The following SGCZ variants were observed in gnomAD, a reference collection of about 807,000 sequenced individuals.
SGCZ encodes sarcoglycan zeta, also known as zeta-sarcoglycan.
A neutral mutation model predicts 41.3 loss-of-function variants in SGCZ; 40 were observed. That is an observed-to-expected ratio of 0.97 (90% CI 0.75 to 1.26). The LOEUF is 1.26. Ranked by LOEUF, SGCZ falls within the 50% of genes most tolerant of loss-of-function variation. The pLI is 0.00. For synonymous variants in SGCZ, 206 were observed against 137.5 expected, an observed-to-expected ratio of 1.50 and a Z score of -3.49; for missense variants, 552 against 369.8, an observed-to-expected ratio of 1.49 and a Z score of -4.04.
chr8:15,100,652 G>A (rs1426475867), intron 1 of SGCZ, among the ~76,000 whole-genome samples: 1 of 152,076 alleles, frequency 6.6e-6, no homozygotes, highest in Non-Finnish European at 1.5e-5. Context: ...AATACTGAAG[G>A]AAAATAAAGT....
chr8:14,643,505 G>A lies in SGCZ; in HGVS notation c.40-88579C>T, dbSNP rs192671146. Among the ~76,000 whole-genome samples the A allele has an allele frequency of 1.7e-4, 25 of 150,244 alleles. No homozygotes were observed. In the East Asian group the frequency reaches 1.8e-3, roughly 11 times the overall value. On this transcript the variant is annotated intron_variant, in intron 1 of 7. Coordinates refer to ENST00000382080, the MANE Select transcript of SGCZ (RefSeq NM_139167.4). ...TAAATTATGTGGAATGAGCAGATGC[G>A]AAGAAAGAAAGGTCAGGGAGATAAG...
intron 4 of SGCZ, among the ~76,000 whole-genome samples, chr8:14,208,413 A>G (rs1027791507): frequency 2.0e-5 from 3 of 152,202 alleles, no homozygotes; most frequent in Admixed American, 6.5e-5. Context: ...AAACATCCCA[A>G]ATGGAAGGTT....
chr8:14,543,693 C>G (rs1309553720), intron 2 of SGCZ, among the ~76,000 whole-genome samples: 1 of 152,112 alleles, frequency 6.6e-6, no homozygotes, highest in Non-Finnish European at 1.5e-5. Flanking sequence ...TTGGACTACA[C>G]TGGTTATTTA....
intron 1 of SGCZ, among the ~76,000 whole-genome samples, chr8:15,170,769 T>G (rs1365894378): frequency 1.3e-5 from 2 of 152,222 alleles, no homozygotes; most frequent in East Asian, 3.9e-4. Flanking sequence ...CCATATTACA[T>G]TTCTGAGCTC....
intron 3 of SGCZ, among the ~76,000 whole-genome samples, chr8:14,278,258 G>A (rs1483017711): frequency 1.3e-5 from 2 of 152,104 alleles, no homozygotes; most frequent in African/African-American, 4.8e-5. Context: ...CTCTTTGAGT[G>A]TCACATTTGT....
intron 3 of SGCZ, among the ~76,000 whole-genome samples, chr8:14,323,473 G>C (rs1801997530): frequency 6.6e-6 from 1 of 151,994 alleles, no homozygotes; most frequent in Non-Finnish European, 1.5e-5. Flanking sequence ...GTAAGTTTTT[G>C]ATATATCCAA....
chr8:14,513,218 G>C (rs1309707761), intron 2 of SGCZ, among the ~76,000 whole-genome samples: 2 of 151,550 alleles, frequency 1.3e-5, no homozygotes, highest in African/African-American at 4.8e-5. Flanking sequence ...ATTTTTCTTT[G>C]TAGAGACAGG....
chr8:14,130,606 C>T (rs1487062543), intron 5 of SGCZ, among the ~76,000 whole-genome samples: 3 of 152,210 alleles, frequency 2.0e-5, no homozygotes, highest in East Asian at 3.9e-4. Flanking sequence ...ATTATTTAGG[C>T]AGATAGTGAG....
chr8:14,722,536 A>G (rs982239550), intron 1 of SGCZ, among the ~76,000 whole-genome samples: 13 of 152,188 alleles, frequency 8.5e-5, no homozygotes, highest in Middle Eastern at 3.4e-3. Context: ...CAATATATGT[A>G]TTTATATACA....
At chr8:14,682,041 T>C (rs1422097290) in intron 1 of SGCZ, among the ~76,000 whole-genome samples, 2 of 152,086 alleles carry the variant, frequency 1.3e-5, no homozygotes, top group Admixed American at 1.3e-4. Context: ...TGCCCAGAGG[T>C]AGCAAAGGGT....
intron 1 of SGCZ, among the ~76,000 whole-genome samples, chr8:15,005,333 T>C (rs1233301169): frequency 1.1e-4 from 15 of 142,488 alleles, no homozygotes; most frequent in African/African-American, 4.0e-4. Context: ...TTTTTCTTTT[T>C]TTTTTTTTTT....
intron 1 of SGCZ, among the ~76,000 whole-genome samples, chr8:15,049,739 T>A (rs544007751): frequency 6.6e-6 from 1 of 152,222 alleles, no homozygotes; most frequent in Non-Finnish European, 1.5e-5. Flanking sequence ...TCCCCAGATG[T>A]CAAGAGCAGG....
intron 3 of SGCZ, among the ~76,000 whole-genome samples, chr8:14,277,028 A>T (rs938248122): frequency 6.6e-6 from 1 of 152,168 alleles, no homozygotes; most frequent in South Asian, 2.1e-4. Context: ...ATTTTCAATA[A>T]ATCTCTTCAT....
chr8:14,989,192 A>G (rs935285926), intron 1 of SGCZ, among the ~76,000 whole-genome samples: 9 of 152,156 alleles, frequency 5.9e-5, no homozygotes, highest in African/African-American at 1.9e-4. Context: ...GAAAGACACA[A>G]AATTATTAGG....
At chr8:14,462,973 C>G (rs1268204370) in intron 2 of SGCZ, among the ~76,000 whole-genome samples, 1 of 151,394 alleles carries the variant, frequency 6.6e-6, no homozygotes, top group Non-Finnish European at 1.5e-5. Flanking sequence ...GCTTTTGTAA[C>G]TTTCTTTTCA....
At chr8:14,249,433 G>A (rs1215625616) in intron 3 of SGCZ, among the ~76,000 whole-genome samples, 2 of 151,868 alleles carry the variant, frequency 1.3e-5, no homozygotes, top group Non-Finnish European at 2.9e-5. Context: ...TTATTTATTG[G>A]TCTGTTTCTC....
At chr8:14,539,136 A>G (rs1256826907) in intron 2 of SGCZ, among the ~76,000 whole-genome samples, 3 of 152,038 alleles carry the variant, frequency 2.0e-5, no homozygotes, top group Non-Finnish European at 4.4e-5. Context: ...TGACTTCCCC[A>G]GAGGAAGATA....
chr8:14,874,735 G>T (rs1266554355), intron 1 of SGCZ, among the ~76,000 whole-genome samples: 1 of 152,016 alleles, frequency 6.6e-6, no homozygotes, highest in Admixed American at 6.6e-5. Context: ...CTCTCTAAAA[G>T]GGGAATCAGG....
chr8:14,847,176 A>AGAAGAAGAAGAAGAAGAG (rs1563312305), intron 1 of SGCZ, among the ~76,000 whole-genome samples: 5 of 146,534 alleles, frequency 3.4e-5, no homozygotes, highest in African/African-American at 1.3e-4. Context: ...AAGAAGAAGA[A>AGAAGAAGAAGAAGAAGAG]GAAGAAGAAG....
Sources: allele counts gnomAD v4.1 joint callset (sites outside exome capture counted in the v4.1 genomes callset), GRCh38; gene constraint gnomAD v4.1.1; transcripts MANE v1.5; gene names NCBI Gene and HGNC (gene_info 2026-07-23, HGNC 2026-07-21).